CATSPERD: variants seen among roughly 807,000 people sequenced by gnomAD.
The protein encoded by CATSPERD is catsper channel auxiliary subunit delta, also known as cation channel sperm-associated auxiliary subunit delta.
A neutral mutation model predicts 98.1 loss-of-function variants in CATSPERD; 86 were observed. The observed-to-expected ratio is 0.88, with a 90% CI of 0.74 to 1.05. The LOEUF (loss-of-function observed/expected upper bound fraction) is 1.05, where lower values mean the gene tolerates loss of function less well. CATSPERD is among the 50% of genes least tolerant of loss of function. CATSPERD has a pLI of 0.00. For missense variants in CATSPERD, 995 were observed against 1,005.7 expected, an observed-to-expected ratio of 0.99 and a Z score of 0.14; for synonymous variants, 394 against 390.2, an observed-to-expected ratio of 1.01 and a Z score of -0.12.
At chr19:5,735,096 C>T (rs1396345429) in intron 5 of CATSPERD, among the ~76,000 whole-genome samples, 2 of 152,122 alleles carry the variant, frequency 1.3e-5, no homozygotes, top group Non-Finnish European at 2.9e-5. Context: ...GAGTTCAAGT[C>T]CACCCTAGGC....
At chr19:5,754,364 A>C in intron 13 of CATSPERD, 119 bp downstream of exon 13, 3 of 631,294 alleles carry the variant, frequency 4.8e-6, no homozygotes, top group South Asian at 1.8e-5. Flanking sequence ...TCGCACACTC[A>C]CAATTCTGCA....
intron 1 of CATSPERD, among the ~76,000 whole-genome samples, chr19:5,724,529 C>T (rs10423450): frequency 0.087 from 13,216 of 152,062 alleles, 952 homozygotes; most frequent in African/African-American, 0.19. Context: ...GAAACCCTAT[C>T]TCTACTAAAA....
At chr19:5,761,619 G>GCTGGATGGTGTATTAGTCTGTTTTC (rs1555725201) in intron 15 of CATSPERD, among the ~76,000 whole-genome samples, 36 of 151,852 alleles carry the variant, frequency 2.4e-4, no homozygotes, top group South Asian at 8.3e-4. Flanking sequence ...GGCGGAAGGC[G>GCTGGATGGTGTATTAGTCTGTTTTC]AAGGGGAAAC....
intron 13 of CATSPERD, among the ~76,000 whole-genome samples, chr19:5,757,536 A>AAC (rs1228154136): frequency 1.3e-5 from 2 of 150,784 alleles, no homozygotes; most frequent in Non-Finnish European, 2.9e-5. Context: ...ACCTCAGGTG[A>AAC]TCCACCTGCC....
intron 15 of CATSPERD, among the ~76,000 whole-genome samples, chr19:5,760,136 G>A (rs554481193): frequency 4.0e-5 from 6 of 149,114 alleles, no homozygotes; most frequent in African/African-American, 1.5e-4. Context: ...GGGAGGCTGA[G>A]GCAGGTGGAA....
chr19:5,747,328 T>G (rs2056114199), intron 9 of CATSPERD, among the ~76,000 whole-genome samples: 1 of 151,334 alleles, frequency 6.6e-6, no homozygotes, highest in South Asian at 2.1e-4. Flanking sequence ...TGCGCCACCA[T>G]GCATAACTAA....
chr19:5,734,130 T>A (rs1010147215), intron 5 of CATSPERD, among the ~76,000 whole-genome samples, 160 bp downstream of exon 5: 1 of 152,132 alleles, frequency 6.6e-6, no homozygotes, highest in East Asian at 1.9e-4. Flanking sequence ...TGAGTCCCCA[T>A]CCGTAGACTG....
intron 15 of CATSPERD, among the ~76,000 whole-genome samples, chr19:5,759,677 C>T (rs1478623595): frequency 6.6e-6 from 1 of 151,490 alleles, no homozygotes; most frequent in Admixed American, 6.6e-5. Flanking sequence ...GCGTGATTCA[C>T]AACAGTCAAA....
intron 20 of CATSPERD, among the ~76,000 whole-genome samples, chr19:5,775,845 A>C (rs2144702248): frequency 6.6e-6 from 1 of 152,168 alleles, no homozygotes; most frequent in East Asian, 1.9e-4. Flanking sequence ...GCAGTTTGTC[A>C]GTTTGCCAAC....
intron 13 of CATSPERD, among the ~76,000 whole-genome samples, chr19:5,756,395 G>T (rs1324865224): frequency 6.6e-6 from 1 of 152,204 alleles, no homozygotes; most frequent in African/African-American, 2.4e-5. Flanking sequence ...TTTGGAAACA[G>T]ATGGCAGTGA....
At chr19:5,734,783 C>T (rs2145712331) in intron 5 of CATSPERD, among the ~76,000 whole-genome samples, 1 of 150,114 alleles carries the variant, frequency 6.7e-6, no homozygotes, top group East Asian at 2.0e-4. Flanking sequence ...GCCTGGATGA[C>T]AGAGTGAGAC....
At chr19:5,776,090 C>T (rs2056736791) in intron 20 of CATSPERD, 71 bp from the exon 21 acceptor site, 2 of 1,534,596 alleles carry the variant, frequency 1.3e-6, no homozygotes, top group Non-Finnish European at 1.8e-6. Context: ...AGGGCCTCCG[C>T]AGGGAGGAGG....
chr19:5,721,338 T>G, intron 1 of CATSPERD, among the ~76,000 whole-genome samples: 1 of 143,490 alleles, frequency 7.0e-6, no homozygotes, highest in Admixed American at 6.9e-5. Context: ...GGAGCCGGAG[T>G]TTTTGCTCTG....
intron 5 of CATSPERD, among the ~76,000 whole-genome samples, chr19:5,736,444 C>T (rs1015423383): frequency 7.1e-4 from 108 of 151,908 alleles, no homozygotes; most frequent in African/African-American, 2.3e-3. Context: ...AGGCTGGGCG[C>T]GGTGGCTCAT....
At chr19:5,765,623 C>T (rs995037065) in intron 16 of CATSPERD, among the ~76,000 whole-genome samples, 2 of 151,764 alleles carry the variant, frequency 1.3e-5, no homozygotes, top group African/African-American at 4.8e-5. Context: ...ACCAGCCTGG[C>T]CAACATGATG....
Position 5,771,082 on chromosome 19 carries a change from C to T in CATSPERD, c.1763+10C>T. The T allele has an allele frequency of 1.2e-6, 2 of 1,611,004 alleles. No homozygotes were observed. The highest frequency in any genetic ancestry group is 8.5e-7 in the Non-Finnish European group (1 of 1,178,750). On this transcript the variant is annotated intron_variant, in intron 19 of 21. Transcript: ENST00000381624. ...AGCCCGTGGTGGAGCTGTAAGACCC[C>T]AGGGGGGTGCTGCAGGGTGGGGACG... is the stretch of plus-strand genomic sequence containing the variant.
chr19:5,749,934 G>C (rs558787409), intron 11 of CATSPERD, among the ~76,000 whole-genome samples: 36 of 150,718 alleles, frequency 2.4e-4, no homozygotes, highest in African/African-American at 8.3e-4. Flanking sequence ...CTCCCGAGTA[G>C]CTGGGATTAC....
chr19:5,734,377 G>A (rs2055799262), intron 5 of CATSPERD, among the ~76,000 whole-genome samples: 2 of 152,044 alleles, frequency 1.3e-5, no homozygotes, highest in South Asian at 4.1e-4. Flanking sequence ...CGTGGCTCAC[G>A]CCTGTAATCC....
chr19:5,760,487 G>A (rs1216255287), intron 15 of CATSPERD, among the ~76,000 whole-genome samples: 1 of 151,698 alleles, frequency 6.6e-6, no homozygotes. Flanking sequence ...GCAATAAGCC[G>A]GATACAAAAG....
Sources: gnomAD v4.1 joint callset for allele counts (sites outside exome capture counted in the v4.1 genomes callset) on GRCh38, gnomAD v4.1.1 for gene constraint, MANE v1.5 for transcripts, NCBI Gene and HGNC (gene_info 2026-07-23, HGNC 2026-07-21) for gene names.